Variants in PLPPR1 observed in about 807,000 individuals in gnomAD.
The protein encoded by PLPPR1 is phospholipid phosphatase-related protein type 1.
A neutral mutation model predicts 33.1 loss-of-function variants in PLPPR1; 10 were observed. The ratio of observed to expected loss-of-function variants is 0.30; its 90% CI spans 0.19 to 0.51. The LOEUF (loss-of-function observed/expected upper bound fraction) is 0.51, where lower values mean the gene tolerates loss of function less well. Among genes scored for constraint, PLPPR1 ranks in the 20% least tolerant of loss-of-function variants. PLPPR1 has a pLI of 0.97. For synonymous variants in PLPPR1, 151 were observed against 151.0 expected, an observed-to-expected ratio of 1.00 and a Z score of 0.00; for missense variants, 304 against 408.1, an observed-to-expected ratio of 0.74 and a Z score of 2.20.
At chr9:101,088,448 T>C (rs1365430893) in intron 1 of PLPPR1, among the ~76,000 whole-genome samples, 1 of 152,164 alleles carries the variant, frequency 6.6e-6, no homozygotes, top group Non-Finnish European at 1.5e-5. Context: ...ATGAAACGAC[T>C]GTCTCCTCTC....
intron 6 of PLPPR1, among the ~76,000 whole-genome samples, chr9:101,316,807 C>A (rs894524604): frequency 1.3e-5 from 2 of 151,978 alleles, no homozygotes; most frequent in Admixed American, 6.6e-5. Flanking sequence ...AGTTAAAGAC[C>A]AGCTAACATG....
At chr9:101,204,234 A>G (rs1052034706) in intron 2 of PLPPR1, among the ~76,000 whole-genome samples, 4 of 152,192 alleles carry the variant, frequency 2.6e-5, no homozygotes, top group Non-Finnish European at 5.9e-5. Context: ...GCTCAAGCCC[A>G]TTGGAGATTT....
chr9:101,226,327 T>C (rs938721484), intron 2 of PLPPR1, among the ~76,000 whole-genome samples: 1 of 152,120 alleles, frequency 6.6e-6, no homozygotes, highest in African/African-American at 2.4e-5. Context: ...AGGGCTTGAG[T>C]GTGCCTTAGT....
chr9:101,072,084 G>C (rs2118490793), intron 1 of PLPPR1, among the ~76,000 whole-genome samples: 1 of 152,252 alleles, frequency 6.6e-6, no homozygotes, highest in Non-Finnish European at 1.5e-5. Context: ...GAAGCTGGGA[G>C]ATGAGGCTAT....
At chr9:101,170,620 G>A (rs1825928620) in intron 1 of PLPPR1, among the ~76,000 whole-genome samples, 1 of 152,178 alleles carries the variant, frequency 6.6e-6, no homozygotes, top group Admixed American at 6.5e-5. Flanking sequence ...AGTCTGAGAA[G>A]GTGGCAAAAC....
intron 2 of PLPPR1, among the ~76,000 whole-genome samples, chr9:101,255,887 C>G (rs970553878): frequency 3.9e-5 from 6 of 152,168 alleles, no homozygotes; most frequent in African/African-American, 1.4e-4. Flanking sequence ...CTGAACTTCA[C>G]GAGCTAGGAG....
chr9:101,180,038 G>A (rs1045163101), intron 1 of PLPPR1, among the ~76,000 whole-genome samples: 1 of 146,344 alleles, frequency 6.8e-6, no homozygotes, highest in Admixed American at 6.9e-5. Flanking sequence ...TCAGCCTGCA[G>A]ATGGCCTATT....
intron 2 of PLPPR1, among the ~76,000 whole-genome samples, chr9:101,252,535 A>C (rs1827729625): frequency 6.6e-6 from 1 of 152,164 alleles, no homozygotes; most frequent in South Asian, 2.1e-4. Context: ...GGGAAATAAG[A>C]AAAATCCTTA....
intron 1 of PLPPR1, among the ~76,000 whole-genome samples, chr9:101,030,486 T>C (rs981830459): frequency 5.9e-5 from 9 of 151,724 alleles, no homozygotes; most frequent in African/African-American, 2.2e-4. Flanking sequence ...TGGGATAACA[T>C]TTAGCATACT....
At chr9:101,265,242 G>T (rs1827967437) in intron 2 of PLPPR1, among the ~76,000 whole-genome samples, 1 of 152,198 alleles carries the variant, frequency 6.6e-6, no homozygotes, top group African/African-American at 2.4e-5. Context: ...CTCGTGGAAT[G>T]ATCAGCACTT....
chr9:101,293,088 A>G (rs1266763272), intron 4 of PLPPR1, among the ~76,000 whole-genome samples: 2 of 152,104 alleles, frequency 1.3e-5, no homozygotes, highest in Non-Finnish European at 2.9e-5. Flanking sequence ...CATAGGCTCA[A>G]AATAAAAGGA....
At chr9:101,178,305 C>T (rs1826047990) in intron 1 of PLPPR1, among the ~76,000 whole-genome samples, 1 of 152,154 alleles carries the variant, frequency 6.6e-6, no homozygotes, top group South Asian at 2.1e-4. Flanking sequence ...GCTGAGTGCC[C>T]AATTTGCCAG....
chr9:101,089,367 G>A (rs1433636078), intron 1 of PLPPR1, among the ~76,000 whole-genome samples: 3 of 152,038 alleles, frequency 2.0e-5, no homozygotes, highest in Admixed American at 1.3e-4. Context: ...CATTGTTATT[G>A]TAACTAGTTT....
chr9:101,209,267 G>T (rs1826645030), intron 2 of PLPPR1, among the ~76,000 whole-genome samples: 1 of 152,182 alleles, frequency 6.6e-6, no homozygotes, highest in South Asian at 2.1e-4. Context: ...TCTCCACAAA[G>T]CTTTCTCTGA....
At chr9:101,304,964 G>C (rs761534800) in intron 4 of PLPPR1, among the ~76,000 whole-genome samples, 9 of 151,924 alleles carry the variant, frequency 5.9e-5, no homozygotes, top group Non-Finnish European at 1.2e-4. Flanking sequence ...TCTTGTCCAG[G>C]AGTCTCTCTG....
chr9:101,133,943 G>A lies in PLPPR1; in HGVS notation c.-45-51507G>A, dbSNP rs143432694. Reference sequence around the variant, plus strand: ...TTTCTCCATTTACAAAATTGGATCCGTAATACTATCTATTGGGTAGTCGTG... The same window carrying A: ...TTTCTCCATTTACAAAATTGGATCCATAATACTATCTATTGGGTAGTCGTG... On this transcript the variant is annotated intron_variant, in intron 1 of 7. Transcript: ENST00000374874. 1.4e-3 allele frequency among the ~76,000 whole-genome samples: 211 copies of A among 152,258 alleles called. 5 individuals carry two copies. The East Asian group carries it at 0.032, about 23-fold the overall frequency.
intron 1 of PLPPR1, among the ~76,000 whole-genome samples, chr9:101,142,866 A>T (rs1831471169): frequency 6.6e-6 from 1 of 152,168 alleles, no homozygotes; most frequent in Non-Finnish European, 1.5e-5. Context: ...TGTGATAAGT[A>T]CTATGACAAG....
At chr9:101,099,525 C>T (rs972150836) in intron 1 of PLPPR1, among the ~76,000 whole-genome samples, 11 of 152,118 alleles carry the variant, frequency 7.2e-5, no homozygotes, top group African/African-American at 2.7e-4. Flanking sequence ...ATTGAAAATA[C>T]ATGGGGAGAA....
chr9:101,195,321 C>G (rs1247368691), intron 2 of PLPPR1, among the ~76,000 whole-genome samples: 1 of 152,066 alleles, frequency 6.6e-6, no homozygotes, highest in Non-Finnish European at 1.5e-5. Flanking sequence ...TCTTTATAGC[C>G]TAAATGATTA....
Sources: allele counts gnomAD v4.1 joint callset (sites outside exome capture counted in the v4.1 genomes callset), GRCh38; gene constraint gnomAD v4.1.1; transcripts MANE v1.5; gene names NCBI Gene and HGNC (gene_info 2026-07-23, HGNC 2026-07-21).